PRSS55: variants seen among roughly 807,000 people sequenced by gnomAD.
The protein encoded by PRSS55 is probable serine protease UNQ9391/PRO34284.
PRSS55 carries 41 observed loss-of-function variants against 23.6 expected under a neutral mutation model. That is an observed-to-expected ratio of 1.74 (90% CI 1.35 to 2.26). The LOEUF (loss-of-function observed/expected upper bound fraction) is 2.26. Ranked by LOEUF, PRSS55 falls within the 30% of genes most tolerant of loss-of-function variation. The probability of loss-of-function intolerance (pLI) is 0.00; values close to 1 mark genes in which losing one functional copy is unlikely to be tolerated. For missense variants in PRSS55, 669 were observed against 439.1 expected, an observed-to-expected ratio of 1.52 and a Z score of -4.68; for synonymous variants, 262 against 175.5, an observed-to-expected ratio of 1.49 and a Z score of -3.90.
In PRSS55 at chr8:10,531,484, G is replaced by A. The variant is rs762086866; in HGVS notation, c.537G>A (p.Thr179=). ...TGAAGGTGCCCATCTGCCTCCCCAC[G>A]CAGCCCGGCCCTGCCACATGGCGCG... ...DDLKVPICLP[T]QPGPATWREC... is the part of the protein sequence containing the mutation. The change falls in exon 3 of 5, where the codon ACG becomes ACA. Residue 179 remains threonine, a synonymous_variant. Transcript: ENST00000328655. 71 of 1,613,728 alleles carry A rather than the reference G, an allele frequency of 4.4e-5. No individual in the cohort carries two copies. The East Asian group carries it at 6.7e-4, about 15-fold the overall frequency.
At chr8:10,550,803 GGT>G (rs987675058) in intron 4 of PRSS55, among the ~76,000 whole-genome samples, 2 of 152,200 alleles carry the variant, frequency 1.3e-5, no homozygotes, top group African/African-American at 2.4e-5. Flanking sequence ...AGACATGGCA[GGT>G]GTGTGTGTGC....
chr8:10,541,844 C>A (rs78681807), downstream of PRSS55, among the ~76,000 whole-genome samples: 1 of 152,074 alleles, frequency 6.6e-6, no homozygotes, highest in Non-Finnish European at 1.5e-5. Context: ...CTGCCACCTA[C>A]ATCTCAGGCA....
At position 10,531,421 on chromosome 8, in the gene PRSS55, C is replaced by T. The variant is rs746455109; in HGVS notation, c.474C>T (p.Ala158=). The T allele has an allele frequency of 1.2e-6, 2 of 1,614,142 alleles. No homozygotes were observed. Among genetic ancestry groups the T allele is most frequent in the African/African-American group, 2.7e-5 (2 of 74,956 alleles). Residue 158 remains alanine (A), a synonymous_variant, in exon 3 of 5, where the codon GCC becomes GCT. Transcript: ENST00000328655. The stretch of plus-strand genomic sequence containing the variant: ...GAGCCAACATGGACAATGACATTGC[C>T]TTGCTGCTGCTGGCTTCGCCCATCA... ...FKRANMDNDI[A]LLLLASPIKL...
At chr8:10,541,925 C>G (rs915779345), downstream of PRSS55, among the ~76,000 whole-genome samples, 1 of 152,106 alleles carries the variant, frequency 6.6e-6, no homozygotes, top group African/African-American at 2.4e-5. Flanking sequence ...AGGCGCACAT[C>G]ACCACACCTG....
chr8:10,531,407 G>C lies in PRSS55; in HGVS notation c.460G>C (p.Asp154His), dbSNP rs1812256522. The change falls in exon 3 of 5, where the codon GAC becomes CAC. Residue 154 changes from aspartate (D) to histidine (H), a missense_variant. Asp to His is a moderately conservative substitution (Grantham distance 81, BLOSUM62 -1). Coordinates refer to ENST00000328655, the MANE Select transcript of PRSS55 (RefSeq NM_198464.4). ...CAAAGACTTTAAGAGAGCCAACATG[G>C]ACAATGACATTGCCTTGCTGCTGCT... ...LHKDFKRANM[D>H]NDIALLLLAS... is the part of the protein sequence containing the mutation. 1 of 1,614,096 alleles carries C rather than the reference G, an allele frequency of 6.2e-7. No individual in the cohort carries two copies. The highest frequency in any genetic ancestry group is 1.1e-5 in the South Asian group (1 of 91,086).
Position 10,531,667 on chromosome 8 carries a change from T to G in PRSS55, c.598+122T>G, listed in dbSNP as rs995179934. 7 of 1,394,340 alleles carry G rather than the reference T, an allele frequency of 5.0e-6. No individual in the cohort carries two copies. The African/African-American group carries it at 8.6e-5, about 17-fold the overall frequency. The allele number at this position is 1,394,340 out of a possible 1,614,324, so 86.4% of individuals were successfully genotyped here. ...GAGCAGATTCCCGCTCAGTGGAGTC[T>G]CACAGTGCCCAAAGTTTAGCTCCTT... On this transcript the variant is annotated intron_variant, in intron 3 of 4. Transcript: ENST00000328655.
chr8:10,531,521 G>T lies in PRSS55; in HGVS notation c.574G>T (p.Ala192Ser). Residue 192 changes from alanine (A) to serine (S), a missense_variant, in exon 3 of 5, where the codon GCA (alanine) becomes TCA (serine). Transcript: ENST00000328655. Reference sequence around the variant, plus strand: ...TGCCACATGGCGCGAATGCTGGGTGGCAGGTTGGGGCCAGACCAATGCTGG... The same window carrying T: ...TGCCACATGGCGCGAATGCTGGGTGTCAGGTTGGGGCCAGACCAATGCTGG... ...GPATWRECWV[A>S]GWGQTNAADK... 6.2e-7 allele frequency: 1 copy of T among 1,613,716 alleles called. No individual in the cohort carries two copies. The highest frequency in any genetic ancestry group is 8.5e-7 in the Non-Finnish European group (1 of 1,180,044).
chr8:10,527,849 G>A (rs921019179), intron 1 of PRSS55, among the ~76,000 whole-genome samples: 2 of 152,220 alleles, frequency 1.3e-5, no homozygotes, highest in Admixed American at 1.3e-4. Context: ...CTTGCAAAGT[G>A]CTTGCAACAG....
rs777778091 is a variant in PRSS55, at chr8:10,533,152, G to T, written c.741+104G>T. The stretch of plus-strand genomic sequence containing the variant: ...CTGCAAATAGACAATTCTGAGTCTG[G>T]AAAATGTATGGGAATTAGGGCCTGC... On this transcript the variant is annotated intron_variant, in intron 4 of 4. Transcript: ENST00000328655. 16 of 1,261,944 alleles carry T rather than the reference G, an allele frequency of 1.3e-5. No individual in the cohort carries two copies. In the Admixed American group the frequency reaches 3.3e-4, roughly 26 times the overall value. 78.2% of individuals were successfully genotyped at this position (1,261,944 alleles called of 1,614,324 possible). A position where few individuals can be genotyped will look rare whatever the true frequency, so the allele number is the denominator to read the frequency against.
intron 4 of PRSS55, 76 bp from the exon 5 acceptor site, chr8:10,538,400 A>G (rs2117050616): frequency 8.6e-7 from 1 of 1,168,332 alleles, no homozygotes; most frequent in Non-Finnish European, 1.2e-6. Context: ...GGAATCTTCC[A>G]TGAATGAGCT....
downstream of PRSS55, among the ~76,000 whole-genome samples, chr8:10,542,069 C>T (rs1353686130): frequency 6.6e-6 from 1 of 152,158 alleles, no homozygotes; most frequent in Non-Finnish European, 1.5e-5. Flanking sequence ...TAAGTCACCG[C>T]ACCTGGCCCT....
chr8:10,526,434 G>A (rs1311359598), intron 1 of PRSS55, among the ~76,000 whole-genome samples: 1 of 152,216 alleles, frequency 6.6e-6, no homozygotes, highest in Non-Finnish European at 1.5e-5. Flanking sequence ...TTCTTGCCCA[G>A]AACACAGCAG....
At chr8:10,553,829 T>A (rs1813002781) in intron 4 of PRSS55, 1 of 644,156 alleles carries the variant, frequency 1.6e-6, no homozygotes, top group Non-Finnish European at 2.6e-6. Context: ...ATGGATATGT[T>A]AATTAGTTTA....
At chr8:10,537,196 A>G (rs1313348683) in intron 4 of PRSS55, among the ~76,000 whole-genome samples, 1 of 152,234 alleles carries the variant, frequency 6.6e-6, no homozygotes. Flanking sequence ...TAGGAGCACT[A>G]TTCACAATAG....
intron 1 of PRSS55, among the ~76,000 whole-genome samples, chr8:10,529,119 T>A (rs185929356): frequency 6.6e-5 from 10 of 152,334 alleles, no homozygotes; most frequent in African/African-American, 2.4e-4. Context: ...TCTGGGGACA[T>A]GGCCCATTGG....
intron 1 of PRSS55, among the ~76,000 whole-genome samples, chr8:10,528,415 T>C (rs1035807486): frequency 1.3e-5 from 2 of 152,178 alleles, no homozygotes; most frequent in Non-Finnish European, 2.9e-5. Context: ...GGTCTTGGGC[T>C]TTTTAGAGTC....
chr8:10,527,867 C>T (rs561671784), intron 1 of PRSS55, among the ~76,000 whole-genome samples: 9 of 152,192 alleles, frequency 5.9e-5, no homozygotes, highest in African/African-American at 1.7e-4. Context: ...CAGTGCCTGA[C>T]GCACAGTAAG....
In PRSS55 at chr8:10,538,547, C is replaced by G. The variant is rs190614928; in HGVS notation, c.813C>G (p.Ser271Arg). 2 of 1,614,152 alleles carry G rather than the reference C, an allele frequency of 1.2e-6. No homozygotes were observed. Among genetic ancestry groups the G allele is most frequent in the Non-Finnish European group, 8.5e-7 (1 of 1,180,002 alleles). ...AGTGGTACCAGGTGGGCATCATAAG[C>G]TGGGGAAAGAGCTGTGGAGAGAAGA... ...GEKWYQVGII[S>R]WGKSCGEKNT... Residue 271 changes from serine to arginine, a missense_variant, in exon 5 of 5, where the codon AGC (serine) becomes AGG (arginine). Physicochemically the swap from Ser to Arg is moderately radical, Grantham distance 110. Transcript: ENST00000328655.
chr8:10,532,339 G>A (rs1457088897), intron 3 of PRSS55, among the ~76,000 whole-genome samples: 1 of 152,184 alleles, frequency 6.6e-6, no homozygotes, highest in Non-Finnish European at 1.5e-5. Flanking sequence ...GAAGAAATGT[G>A]AAATCTCTTT....
Sources: gnomAD v4.1 joint callset for allele counts (sites outside exome capture counted in the v4.1 genomes callset) on GRCh38, gnomAD v4.1.1 for gene constraint, MANE v1.5 for transcripts, NCBI Gene and HGNC (gene_info 2026-07-23, HGNC 2026-07-21) for gene names.